TPD52L2: variants seen among roughly 807,000 people sequenced by gnomAD.
TPD52L2 encodes the protein tumor protein D54.
Under a neutral mutation model 24.7 loss-of-function variants are expected in TPD52L2, and 19 were observed. That is an observed-to-expected ratio of 0.77 (90% CI 0.54 to 1.13). TPD52L2 has a LOEUF of 1.13. Among genes scored for constraint, TPD52L2 ranks in the 50% most tolerant of loss-of-function variants. The pLI is 0.00. For missense variants in TPD52L2, 236 were observed against 250.4 expected, an observed-to-expected ratio of 0.94 and a Z score of 0.39; for synonymous variants, 104 against 100.2, an observed-to-expected ratio of 1.04 and a Z score of -0.23.
chr20:63,882,662 G>C, intron 4 of TPD52L2, 57 bp from the exon 5 acceptor site: 2 of 1,399,608 alleles, frequency 1.4e-6, no homozygotes, highest in Non-Finnish European at 1.0e-6. Context: ...TGTTTGCTTG[G>C]CTGTGGGTGG....
At chr20:63,888,927 C>A in intron 5 of TPD52L2, 1 of 557,112 alleles carries the variant, frequency 1.8e-6, no homozygotes, top group Non-Finnish European at 3.2e-6. Flanking sequence ...GGGCCGACAT[C>A]TCCCCAGCTG....
intron 5 of TPD52L2, chr20:63,887,304 TC>T: frequency 1.7e-6 from 1 of 596,880 alleles, no homozygotes; most frequent in Non-Finnish European, 3.0e-6. Flanking sequence ...AAGCCTGGTC[TC>T]CTCACAGCTT....
At chr20:63,865,526 A>C in intron 1 of TPD52L2, 142 bp downstream of exon 1, 1 of 1,129,632 alleles carries the variant, frequency 8.9e-7, no homozygotes, top group Non-Finnish European at 1.2e-6. Context: ...TCCCGGGGCC[A>C]CTGACCTCGA....
intron 3 of TPD52L2, among the ~76,000 whole-genome samples, chr20:63,875,150 AAAATAT>A (rs1250083464): frequency 1.5e-4 from 22 of 144,460 alleles, no homozygotes; most frequent in African/African-American, 5.2e-4. Context: ...TCAAAAAAAA[AAAATAT>A]ATATATATAT....
In TPD52L2 at chr20:63,877,033, GTT is replaced by G. The variant is rs34999748; in HGVS notation, c.374+1167_374+1168del. On this transcript the variant is annotated intron_variant, in intron 4 of 6. Coordinates refer to ENST00000346249, the MANE Select transcript of TPD52L2 (RefSeq NM_003288.4). The surrounding 1 kb of genome is among the most constrained non-coding windows in gnomAD (Gnocchi z 4.1). The stretch of plus-strand genomic sequence containing the variant: ...GCCCTGGGTTTTTTTTGTTTGTTTG[GTT>G]TTTTTTTTGAGACAACGTCTCGTTC... The G allele has an allele frequency of 2.5e-6, 1 of 401,000 alleles. No individual in the cohort carries two copies. The highest frequency in any genetic ancestry group is 1.8e-5 in the South Asian group (1 of 55,586). 24.8% of individuals were successfully genotyped at this position (401,000 alleles called of 1,614,324 possible).
intron 5 of TPD52L2, among the ~76,000 whole-genome samples, chr20:63,885,585 GCT>G (rs376598187): frequency 1.0e-3 from 154 of 152,366 alleles, no homozygotes; most frequent in African/African-American, 3.5e-3. Flanking sequence ...AACACGGGCC[GCT>G]CTCGTTCTGT....
rs1438275353 is a variant in TPD52L2 at position 63,889,958 on chromosome 20, T to A, written c.*13T>A. On this transcript the variant is annotated 3_prime_UTR_variant, in exon 7 of 7. Transcript: ENST00000346249. Reference sequence around the variant, plus strand: ...CGCACCTTTCTAAGCCTGTGGTTGCTTCACCCGCTGCAGAGCACACGCAAC... The same window carrying A: ...CGCACCTTTCTAAGCCTGTGGTTGCATCACCCGCTGCAGAGCACACGCAAC... 1.9e-6 allele frequency: 3 copies of A among 1,613,884 alleles called. No homozygotes were observed. In the South Asian group the frequency reaches 3.3e-5, roughly 18 times the overall value.
At chr20:63,871,813 T>G (rs1034388379) in intron 2 of TPD52L2, among the ~76,000 whole-genome samples, 1 of 151,982 alleles carries the variant, frequency 6.6e-6, no homozygotes, top group Non-Finnish European at 1.5e-5. Flanking sequence ...TTTGTATTTT[T>G]GGTAGAGACG....
At chr20:63,880,686 C>G (rs746438053) in intron 4 of TPD52L2, among the ~76,000 whole-genome samples, 23 of 151,648 alleles carry the variant, frequency 1.5e-4, no homozygotes, top group Admixed American at 3.3e-4. Context: ...GTCAGGAGAT[C>G]GAGACCATCC....
At position 63,887,141 on chromosome 20, in the gene TPD52L2, C is replaced by T. The variant is rs570794756; in HGVS notation, c.477-2049C>T. On this transcript the variant is annotated intron_variant, in intron 5 of 6. Transcript: ENST00000346249. ...AGGCCAAGCCGGGGCGCCGCCAGCA[C>T]GTGCCCTTCTGCTGGAACCGGGAGG... The T allele has an allele frequency of 3.9e-5, 12 of 306,824 alleles. No individual in the cohort carries two copies. In the East Asian group the frequency reaches 5.2e-4, roughly 13 times the overall value. 19.0% of individuals were successfully genotyped at this position (306,824 alleles called of 1,614,324 possible).
At chr20:63,887,563 G>A in intron 5 of TPD52L2, 1 of 1,613,436 alleles carries the variant, frequency 6.2e-7, no homozygotes, top group Non-Finnish European at 8.5e-7. Flanking sequence ...CTTCCAAGCA[G>A]CAGCTACTCC....
intron 5 of TPD52L2, chr20:63,887,424 T>C: frequency 2.1e-6 from 2 of 949,080 alleles, no homozygotes; most frequent in South Asian, 1.3e-5. Context: ...GGGGGCATTG[T>C]GTGGAGGGGC....
chr20:63,882,252 C>T (rs958212209), intron 4 of TPD52L2, among the ~76,000 whole-genome samples: 3 of 152,266 alleles, frequency 2.0e-5, no homozygotes, highest in Non-Finnish European at 4.4e-5. Flanking sequence ...AACTTGCACG[C>T]ATGGGCCGGT....
rs762599519 is a variant in TPD52L2, at chr20:63,865,358, G to A, written c.-8G>A. 6.5e-7 allele frequency: 1 copy of A among 1,526,970 alleles called. No individual in the cohort carries two copies. Among genetic ancestry groups the A allele is most frequent in the South Asian group, 1.2e-5 (1 of 82,568 alleles). The allele number at this position is 1,526,970 out of a possible 1,614,324, so 94.6% of individuals were successfully genotyped here. ...CGCCCGCGACAGCGGTCCGGACGCC[G>A]CCCGAACATGGACTCCGCCGGCCAA... On this transcript the variant is annotated 5_prime_UTR_variant, in exon 1 of 7. Coordinates refer to ENST00000346249, the MANE Select transcript of TPD52L2 (RefSeq NM_003288.4).
At position 63,890,275 on chromosome 20, in the gene TPD52L2, GA is replaced by G. The variant is rs1476751884; in HGVS notation, c.*332del. ...CTTTGGGAATCATGTTAGCCCATCA[GA>G]ATGTTGAAGGATTGAAGAGTTCTAA... On this transcript the variant is annotated 3_prime_UTR_variant, in exon 7 of 7. Coordinates refer to ENST00000346249, the MANE Select transcript of TPD52L2 (RefSeq NM_003288.4). 3 of 470,830 alleles carry G rather than the reference GA, an allele frequency of 6.4e-6. No individual in the cohort carries two copies. Among genetic ancestry groups the G allele is most frequent in the African/African-American group, 5.9e-5 (3 of 50,600 alleles). 29.2% of individuals were successfully genotyped at this position (470,830 alleles called of 1,614,324 possible).
At chr20:63,869,259 T>G (rs1386358930) in intron 1 of TPD52L2, 37 bp from the exon 2 acceptor site, 25 of 1,612,134 alleles carry the variant, frequency 1.6e-5, no homozygotes, top group Non-Finnish European at 2.0e-5. Context: ...GGAACTAACT[T>G]ATTTGACACT....
intron 1 of TPD52L2, among the ~76,000 whole-genome samples, chr20:63,865,630 C>A (rs778600316): frequency 1.2e-4 from 18 of 152,326 alleles, no homozygotes; most frequent in Non-Finnish European, 2.4e-4. Flanking sequence ...TGGGACCGTT[C>A]CGAGGTGTGG....
Position 63,890,067 on chromosome 20 carries a change from C to T in TPD52L2, c.*122C>T. 6.5e-7 allele frequency: 1 copy of T among 1,532,440 alleles called. No individual in the cohort carries two copies. The highest frequency in any genetic ancestry group is 8.8e-7 in the Non-Finnish European group (1 of 1,138,300). The allele number at this position is 1,532,440 out of a possible 1,614,324, so 94.9% of individuals were successfully genotyped here. ...AGCAGAGCCGGCCCTGAGGACAGTC[C>T]TGCCCATCCACGCGGAGATGTGGCT... On this transcript the variant is annotated 3_prime_UTR_variant, in exon 7 of 7. Transcript: ENST00000346249.
intron 5 of TPD52L2, chr20:63,887,453 G>A (rs1355565672): frequency 1.7e-6 from 2 of 1,192,778 alleles, no homozygotes; most frequent in Non-Finnish European, 2.5e-6. Context: ...CGCTCCAACT[G>A]CTGGGAGTGG....
Sources: gnomAD v4.1 joint callset for allele counts (sites outside exome capture counted in the v4.1 genomes callset) on GRCh38, gnomAD v4.1.1 for gene constraint, Gnocchi (gnomAD v3.1) non-coding constraint, MANE v1.5 for transcripts, NCBI Gene and HGNC (gene_info 2026-07-23, HGNC 2026-07-21) for gene names.